The following RIMS2 variants were observed in gnomAD, a reference collection of about 807,000 sequenced individuals.
RIMS2 encodes the protein regulating synaptic membrane exocytosis protein 2.
In RIMS2, 59 loss-of-function variants were observed where a neutral mutation model predicts 174.4. That is an observed-to-expected ratio of 0.34 (90% CI 0.27 to 0.42). The LOEUF (loss-of-function observed/expected upper bound fraction) is 0.42, where lower values mean the gene tolerates loss of function less well. Among genes scored for constraint, RIMS2 ranks in the 10% least tolerant of loss-of-function variants. The pLI, the probability that RIMS2 is intolerant of heterozygous loss-of-function variation, is 1.00. For synonymous variants in RIMS2, 606 were observed against 572.5 expected (o/e 1.06, Z -0.84); for missense variants, 1,620 against 1,666.3 (o/e 0.97, Z 0.48).
chr8:103,865,475 G>A (rs1402050177), intron 3 of RIMS2, among the ~76,000 whole-genome samples: 4 of 151,188 alleles, frequency 2.6e-5, no homozygotes, highest in African/African-American at 9.7e-5. Flanking sequence ...AGTAGAGATG[G>A]GGTTTCGCCA....
chr8:103,643,336 A>T (rs1353735565), intron 1 of RIMS2, among the ~76,000 whole-genome samples: 4 of 151,884 alleles, frequency 2.6e-5, no homozygotes, highest in Non-Finnish European at 4.4e-5. Flanking sequence ...TTACATTGGA[A>T]CTCTTAGTAT....
chr8:103,722,343 T>C (rs1172255302), intron 2 of RIMS2, among the ~76,000 whole-genome samples: 1 of 152,172 alleles, frequency 6.6e-6, no homozygotes, highest in African/African-American at 2.4e-5. Context: ...ATTATTACAT[T>C]GTAATATATA....
At chr8:104,023,687 G>T (rs1396725872) in intron 19 of RIMS2, among the ~76,000 whole-genome samples, 23 of 152,074 alleles carry the variant, frequency 1.5e-4, no homozygotes, top group Admixed American at 1.5e-3. Context: ...ATTAAATATG[G>T]TCTACATTTC....
At chr8:103,508,457 TAAAA>T (rs3042459) in intron 1 of RIMS2, among the ~76,000 whole-genome samples, 9 of 141,122 alleles carry the variant, frequency 6.4e-5, no homozygotes, top group Admixed American at 7.1e-5. Context: ...TTTCATTTGT[TAAAA>T]AAAAAAAAAA....
intron 19 of RIMS2, among the ~76,000 whole-genome samples, chr8:104,128,721 T>C (rs2098450916): frequency 6.6e-6 from 1 of 152,014 alleles, no homozygotes. Context: ...ATAAAAAATC[T>C]ATCTCTTACG....
intron 19 of RIMS2, among the ~76,000 whole-genome samples, chr8:104,089,998 A>G (rs575516770): frequency 6.6e-6 from 1 of 151,596 alleles, no homozygotes; most frequent in East Asian, 1.9e-4. Context: ...GGCCTTCAGG[A>G]GTTTGTAGTC....
intron 1 of RIMS2, among the ~76,000 whole-genome samples, chr8:103,673,029 T>C (rs997268014): frequency 6.6e-6 from 1 of 152,160 alleles, no homozygotes; most frequent in Admixed American, 6.5e-5. Context: ...ACAGGTCTCA[T>C]GTAAGTTTGA....
At chr8:103,746,876 T>G (rs140482339) in intron 2 of RIMS2, among the ~76,000 whole-genome samples, 17,621 of 151,930 alleles carry the variant, frequency 0.12, 1,366 homozygotes, top group Non-Finnish European at 0.17. Flanking sequence ...GAGACAGGGT[T>G]TCATCATATT....
At chr8:103,515,473 CTT>C (rs1828552912) in intron 1 of RIMS2, among the ~76,000 whole-genome samples, 2 of 152,134 alleles carry the variant, frequency 1.3e-5, no homozygotes, top group African/African-American at 4.8e-5. Flanking sequence ...AACCCATAAA[CTT>C]CAGAATACAA....
chr8:104,036,590 C>T (rs2096523328), intron 19 of RIMS2, among the ~76,000 whole-genome samples: 1 of 151,806 alleles, frequency 6.6e-6, no homozygotes, highest in Non-Finnish European at 1.5e-5. Flanking sequence ...AAAAAATAAC[C>T]TTTTTAGGCT....
rs73282827 is a variant in RIMS2 at position 103,501,941 on chromosome 8, C to T, written c.176+879C>T. ...ACTGTCCAGACAGGGTTATCTTTAG[C>T]TCTGAGACTACTTTTCTGGTTAGCG... On this transcript the variant is annotated intron_variant, in intron 1 of 23. Transcript: ENST00000504942. Among the ~76,000 whole-genome samples the T allele has an allele frequency of 5.0e-3, 761 of 152,296 alleles. 8 individuals are homozygous for T. Among genetic ancestry groups the T allele is most frequent in the African/African-American group, 0.017 (721 of 41,558 alleles).
intron 4 of RIMS2, among the ~76,000 whole-genome samples, chr8:103,900,615 C>T (rs1171757070): frequency 6.6e-6 from 1 of 152,068 alleles, no homozygotes; most frequent in Non-Finnish European, 1.5e-5. Context: ...TTCTATATAA[C>T]CCCAATTTAA....
At chr8:104,025,735 T>C (rs879942681) in intron 19 of RIMS2, among the ~76,000 whole-genome samples, 3 of 122,284 alleles carry the variant, frequency 2.5e-5, no homozygotes, top group Non-Finnish European at 5.8e-5. Flanking sequence ...ACACACACAG[T>C]AATGTACCAC....
intron 17 of RIMS2, among the ~76,000 whole-genome samples, chr8:103,991,847 G>T (rs190754201): frequency 6.6e-5 from 10 of 152,116 alleles, no homozygotes; most frequent in Non-Finnish European, 1.5e-4. Context: ...TTTGACACTT[G>T]ATTTTCTTAT....
intron 3 of RIMS2, among the ~76,000 whole-genome samples, chr8:103,790,453 G>A (rs1048445979): frequency 6.6e-5 from 10 of 152,128 alleles, no homozygotes; most frequent in African/African-American, 2.4e-4. Flanking sequence ...TTTTTATGAT[G>A]GAATATTTCA....
intron 19 of RIMS2, among the ~76,000 whole-genome samples, chr8:104,222,998 T>C (rs1311804988): frequency 1.3e-5 from 2 of 152,154 alleles, no homozygotes; most frequent in Non-Finnish European, 2.9e-5. Flanking sequence ...TGTCATGACT[T>C]GAAGAAAATT....
chr8:103,808,901 A>C (rs917083043), intron 3 of RIMS2, among the ~76,000 whole-genome samples: 5 of 152,126 alleles, frequency 3.3e-5, no homozygotes, highest in Admixed American at 1.3e-4. Context: ...ATTTATGGTT[A>C]TATGTCCTCC....
intron 1 of RIMS2, among the ~76,000 whole-genome samples, chr8:103,530,896 T>G (rs1423183570): frequency 6.6e-6 from 1 of 152,026 alleles, no homozygotes; most frequent in African/African-American, 2.4e-5. Context: ...GCTGGTTACA[T>G]GGATGTATTA....
At chr8:103,658,251 T>C (rs2096555116) in intron 1 of RIMS2, among the ~76,000 whole-genome samples, 1 of 152,208 alleles carries the variant, frequency 6.6e-6, no homozygotes, top group Non-Finnish European at 1.5e-5. Context: ...TTAAGTTTTG[T>C]CAGTGAGATA....
Sources: gnomAD v4.1 joint callset for allele counts (sites outside exome capture counted in the v4.1 genomes callset) on GRCh38, gnomAD v4.1.1 for gene constraint, MANE v1.5 for transcripts, NCBI Gene and HGNC (gene_info 2026-07-23, HGNC 2026-07-21) for gene names.